Variants in IGSF21 observed in about 807,000 individuals in gnomAD.
IGSF21 encodes immunoglobulin superfamily member 21.
In IGSF21, 28 loss-of-function variants were observed where a neutral mutation model predicts 46.8. The observed-to-expected ratio is 0.60, with a 90% confidence interval of 0.44 to 0.82. IGSF21 has a LOEUF of 0.82. IGSF21 is among the 40% of genes least tolerant of loss of function. IGSF21 has a pLI of 0.00. For missense variants in IGSF21, 624 were observed against 665.5 expected, an observed-to-expected ratio of 0.94 and a Z score of 0.69; for synonymous variants, 284 against 273.6, an observed-to-expected ratio of 1.04 and a Z score of -0.38.
At chr1:18,307,678 C>T (rs535906782) in intron 3 of IGSF21, among the ~76,000 whole-genome samples, 24 of 152,328 alleles carry the variant, frequency 1.6e-4, no homozygotes, top group African/African-American at 4.6e-4. Context: ...CCCTTGGCCA[C>T]GTGCGGGCAG....
rs113533379 is a variant in IGSF21 at position 18,277,415 on chromosome 1, G to A, written c.184-14451G>A. 1.4e-4 allele frequency among the ~76,000 whole-genome samples: 21 copies of A among 152,300 alleles called. No homozygotes were observed. In the East Asian group the frequency reaches 3.3e-3, roughly 24 times the overall value. On this transcript the variant is annotated intron_variant, in intron 2 of 9. Coordinates refer to ENST00000251296, the MANE Select transcript of IGSF21 (RefSeq NM_032880.5). Reference sequence around the variant, plus strand: ...GGGCCTTCAGAGGCCAAACTCCCCCGCCCTAGCTGAGACTCACTCACCTCT... The same window carrying A: ...GGGCCTTCAGAGGCCAAACTCCCCCACCCTAGCTGAGACTCACTCACCTCT...
intron 2 of IGSF21, among the ~76,000 whole-genome samples, chr1:18,235,249 G>T (rs888482598): frequency 4.6e-5 from 7 of 152,232 alleles, no homozygotes; most frequent in Admixed American, 2.6e-4. Flanking sequence ...AGAGGGAGCT[G>T]TTCCATGCAC....
chr1:18,236,964 A>G (rs1339930632), intron 2 of IGSF21, among the ~76,000 whole-genome samples: 1 of 152,212 alleles, frequency 6.6e-6, no homozygotes, highest in Non-Finnish European at 1.5e-5. Flanking sequence ...CAGCAGTAAC[A>G]TGGCCTTGAG....
intron 3 of IGSF21, among the ~76,000 whole-genome samples, chr1:18,294,023 T>A (rs764974531): frequency 1.3e-5 from 2 of 152,252 alleles, no homozygotes; most frequent in African/African-American, 2.4e-5. Context: ...AACCTCTCTC[T>A]CTCTCTGCTT....
intron 3 of IGSF21, among the ~76,000 whole-genome samples, chr1:18,319,722 C>G (rs17362289): frequency 0.044 from 6,693 of 152,256 alleles, 207 homozygotes; most frequent in Non-Finnish European, 0.064. Context: ...ACTTGTCTCC[C>G]CTTTGTCAGG....
Position 18,181,960 on chromosome 1 carries a change from C to T in IGSF21, c.71-45938C>T, listed in dbSNP as rs564918482. On this transcript the variant is annotated intron_variant, in intron 1 of 9. Transcript: ENST00000251296. ...CAGTTCAGAGAAATTAAGCAACTTG[C>T]CCAGAGTTGTCCAGCTAGGAATTTC... Among the ~76,000 whole-genome samples the T allele has an allele frequency of 5.3e-5, 8 of 152,242 alleles. No homozygotes were observed. In the South Asian group the frequency reaches 1.7e-3, roughly 32 times the overall value.
chr1:18,354,625 C>T (rs75031724), intron 4 of IGSF21, among the ~76,000 whole-genome samples: 1,868 of 152,180 alleles, frequency 0.012, 38 homozygotes, highest in African/African-American at 0.042. Context: ...TCTCCCCTCC[C>T]CCATCCCTCC....
intron 3 of IGSF21, among the ~76,000 whole-genome samples, chr1:18,301,379 G>A (rs147290804): frequency 6.8e-4 from 104 of 152,194 alleles, no homozygotes; most frequent in African/African-American, 2.3e-3. Context: ...TTGCTCTGTC[G>A]CCCAGGCTGG....
intron 3 of IGSF21, among the ~76,000 whole-genome samples, chr1:18,319,839 T>C (rs1225478223): frequency 6.6e-6 from 1 of 152,160 alleles, no homozygotes; most frequent in Non-Finnish European, 1.5e-5. Flanking sequence ...GTCTTTCTTT[T>C]TCTAAATACA....
At chr1:18,267,938 A>T (rs2124542649) in intron 2 of IGSF21, among the ~76,000 whole-genome samples, 1 of 152,356 alleles carries the variant, frequency 6.6e-6, no homozygotes, top group African/African-American at 2.4e-5. Flanking sequence ...CATAAAGCTT[A>T]AAATAGTTAC....
chr1:18,161,873 G>A (rs2086628886), intron 1 of IGSF21, among the ~76,000 whole-genome samples: 1 of 152,100 alleles, frequency 6.6e-6, no homozygotes, highest in South Asian at 2.1e-4. Context: ...AGATCCCCTT[G>A]GAGGGCTGTG....
chr1:18,237,358 T>C (rs778866228), intron 2 of IGSF21, among the ~76,000 whole-genome samples: 24 of 152,240 alleles, frequency 1.6e-4, no homozygotes, highest in Non-Finnish European at 5.9e-5. Flanking sequence ...CCCACTCCCC[T>C]CGAGGGGAGC....
At chr1:18,117,029 T>TG (rs1425309977) in intron 1 of IGSF21, among the ~76,000 whole-genome samples, 3 of 152,170 alleles carry the variant, frequency 2.0e-5, no homozygotes. Flanking sequence ...GGTCTGGATT[T>TG]GAGCCCATGG....
chr1:18,260,327 C>T (rs934587375), intron 2 of IGSF21, among the ~76,000 whole-genome samples: 23 of 152,232 alleles, frequency 1.5e-4, no homozygotes, highest in African/African-American at 4.8e-4. Context: ...TTTGTCTTAT[C>T]TTTGTGCTGC....
At chr1:18,376,496 A>G in intron 7 of IGSF21, 101 bp downstream of exon 7, 2 of 869,092 alleles carry the variant, frequency 2.3e-6, no homozygotes. Context: ...TCTTCCTTTG[A>G]TCCCCAGCCA....
chr1:18,310,373 T>G (rs768495854), intron 3 of IGSF21, among the ~76,000 whole-genome samples: 37 of 152,182 alleles, frequency 2.4e-4, no homozygotes, highest in Admixed American at 1.6e-3. Flanking sequence ...TTAAGTCTAA[T>G]TTAGACTATT....
chr1:18,342,750 T>C (rs902845386), intron 4 of IGSF21, among the ~76,000 whole-genome samples: 1 of 152,240 alleles, frequency 6.6e-6, no homozygotes, highest in African/African-American at 2.4e-5. Flanking sequence ...ATCCATATTG[T>C]AGCAGGTACC....
chr1:18,241,555 G>T (rs2084728187), intron 2 of IGSF21, among the ~76,000 whole-genome samples: 1 of 152,180 alleles, frequency 6.6e-6, no homozygotes, highest in African/African-American at 2.4e-5. Context: ...CCCATTGAAG[G>T]CCATAAATAC....
intron 3 of IGSF21, among the ~76,000 whole-genome samples, chr1:18,318,992 G>C (rs1039273365): frequency 1.1e-4 from 16 of 152,166 alleles, no homozygotes; most frequent in Non-Finnish European, 1.9e-4. Flanking sequence ...ACACCACTCT[G>C]TATTGTCTGA....
Sources: allele counts gnomAD v4.1 joint callset (sites outside exome capture counted in the v4.1 genomes callset), GRCh38; gene constraint gnomAD v4.1.1; transcripts MANE v1.5; gene names NCBI Gene and HGNC (gene_info 2026-07-23, HGNC 2026-07-21).